The following PRSS12 variants were observed in gnomAD, a reference collection of about 807,000 sequenced individuals.
PRSS12 encodes the protein neurotrypsin.
In PRSS12, 85 loss-of-function variants were observed where a neutral mutation model predicts 104.4. The observed-to-expected ratio is 0.81, with a 90% CI of 0.68 to 0.98. The LOEUF (loss-of-function observed/expected upper bound fraction) is 0.98, where lower values mean the gene tolerates loss of function less well. Ranked by LOEUF, PRSS12 falls within the 50% of genes least tolerant of loss-of-function variation. The pLI, the probability that PRSS12 is intolerant of heterozygous loss-of-function variation, is 0.00. For missense variants in PRSS12, 1,141 were observed against 1,139.2 expected (o/e 1.00, Z -0.02); for synonymous variants, 454 against 425.2 (o/e 1.07, Z -0.83).
At chr4:118,303,465 T>G (rs764307484) in intron 8 of PRSS12, 2 of 152,166 alleles carry the variant, frequency 1.3e-5, no homozygotes, top group Non-Finnish European at 2.9e-5. Flanking sequence ...TAACAGCACA[T>G]GATTAAATTC....
At chr4:118,316,402 A>C in intron 5 of PRSS12, 79 bp from the exon 6 acceptor site, 1 of 1,571,364 alleles carries the variant, frequency 6.4e-7, no homozygotes, top group Non-Finnish European at 8.7e-7. Context: ...TTTCACAAGA[A>C]ATATCACCAT....
chr4:118,332,736 T>A (rs987006376), intron 3 of PRSS12, among the ~76,000 whole-genome samples: 2 of 152,154 alleles, frequency 1.3e-5, no homozygotes, highest in African/African-American at 4.8e-5. Flanking sequence ...ATATAATAAT[T>A]ATTTATTGAC....
intron 7 of PRSS12, among the ~76,000 whole-genome samples, chr4:118,311,513 T>G (rs1289701660): frequency 1.3e-5 from 2 of 152,150 alleles, no homozygotes; most frequent in Non-Finnish European, 2.9e-5. Flanking sequence ...CCTCTAAGCT[T>G]CCCTTTTAAA....
chr4:118,305,107 A>G (rs1264394773), intron 8 of PRSS12, among the ~76,000 whole-genome samples: 1 of 147,922 alleles, frequency 6.8e-6, no homozygotes, highest in Non-Finnish European at 1.5e-5. Context: ...TAATTTATAT[A>G]TATATATATA....
At chr4:118,301,879 T>C (rs1578909945) in intron 8 of PRSS12, among the ~76,000 whole-genome samples, 1 of 152,206 alleles carries the variant, frequency 6.6e-6, no homozygotes, top group Admixed American at 6.5e-5. Context: ...TGAACAATCA[T>C]ATTATTCATA....
intron 1 of PRSS12, among the ~76,000 whole-genome samples, chr4:118,349,088 C>T (rs549024705): frequency 6.6e-6 from 1 of 152,298 alleles, no homozygotes; most frequent in East Asian, 1.9e-4. Flanking sequence ...CACCCTGCCC[C>T]TTCAACTTGG....
Position 118,352,348 on chromosome 4 carries a change from C to T in PRSS12, c.373G>A (p.Ala125Thr). The stretch of plus-strand genomic sequence containing the variant: ...TGTCCTCGCAGCTGAGCCCAGCTCG[C>T]TGGGGGCGACCGCTCCAGGAAGGGT... ...VPPFLERSPP[A>T]SWAQLRGQRH... The change falls in exon 1 of 13, where the codon GCG (alanine) becomes ACG (threonine). Residue 125 changes from alanine (A) to threonine (T), a missense_variant. Coordinates refer to ENST00000296498, the MANE Select transcript of PRSS12 (RefSeq NM_003619.4). The T allele has an allele frequency of 6.3e-7, 1 of 1,574,804 alleles. No individual in the cohort carries two copies. The highest frequency in any genetic ancestry group is 8.6e-7 in the Non-Finnish European group (1 of 1,165,732).
At chr4:118,348,907 C>T (rs1724422839) in intron 1 of PRSS12, among the ~76,000 whole-genome samples, 2 of 152,194 alleles carry the variant, frequency 1.3e-5, no homozygotes, top group African/African-American at 4.8e-5. Flanking sequence ...CTGCCTCAGC[C>T]TCCCAAAGTG....
In PRSS12 at chr4:118,308,293, T is replaced by A. The variant is rs551249931; in HGVS notation, c.1631+143A>T. ...GCTCTACTTATTACTTCTTTATAAT[T>A]CTGGATCAAATCAATATGCTGCCAG... On this transcript the variant is annotated intron_variant, in intron 8 of 12. Transcript: ENST00000296498. 3.1e-5 allele frequency: 35 copies of A among 1,143,542 alleles called. 1 individual carries two copies. Among genetic ancestry groups the A allele is most frequent in the Non-Finnish European group, 4.1e-5 (32 of 781,588 alleles). 70.8% of individuals were successfully genotyped at this position (1,143,542 alleles called of 1,614,324 possible).
rs777313572 is a variant in PRSS12 at position 118,313,313 on chromosome 4, T to G, written c.1377A>C (p.Glu459Asp). 1.9e-6 allele frequency: 3 copies of G among 1,614,128 alleles called. No individual in the cohort carries two copies. The highest frequency in any genetic ancestry group is 2.5e-6 in the Non-Finnish European group (3 of 1,180,010). ...GCCTGGAACACTGAAGAAATCTGGT[T>G]TCCTTTCCTGAGCAGCTGACGTCAT... ...WLDDVSCSGK[E>D]TRFLQCSRRQ... The change falls in exon 7 of 13, where the codon GAA becomes GAC. Residue 459 changes from glutamate to aspartate, a missense_variant. Glu to Asp is a conservative substitution (Grantham distance 45). Coordinates refer to ENST00000296498, the MANE Select transcript of PRSS12 (RefSeq NM_003619.4).
At chr4:118,304,213 C>T (rs1279681035) in intron 8 of PRSS12, among the ~76,000 whole-genome samples, 1 of 151,028 alleles carries the variant, frequency 6.6e-6, no homozygotes, top group Non-Finnish European at 1.5e-5. Context: ...TATACATATA[C>T]ACACATATTT....
chr4:118,324,239 T>G (rs1368460624), intron 4 of PRSS12, among the ~76,000 whole-genome samples: 3 of 151,920 alleles, frequency 2.0e-5, no homozygotes, highest in Admixed American at 2.0e-4. Flanking sequence ...AGGATCCAAC[T>G]ATGCACAGAA....
intron 3 of PRSS12, among the ~76,000 whole-genome samples, chr4:118,335,116 C>CT (rs1398930128): frequency 1.3e-5 from 2 of 152,064 alleles, no homozygotes; most frequent in African/African-American, 4.8e-5. Flanking sequence ...TCTATATTTA[C>CT]TTTCATGATT....
At chr4:118,350,984 T>A (rs1724486080) in intron 1 of PRSS12, among the ~76,000 whole-genome samples, 1 of 152,198 alleles carries the variant, frequency 6.6e-6, no homozygotes, top group African/African-American at 2.4e-5. Flanking sequence ...ATGCTAGCAC[T>A]CTTTGTTTGA....
Position 118,295,055 on chromosome 4 carries a change from A to G in PRSS12, c.1923T>C (p.Gly641=). ...GCCGGAGGGAAACCTGCCAAGGCCA[A>G]CCACCCCTAAGAAGAAAATGAGCTA... is the stretch of plus-strand genomic sequence containing the variant. ...IIGGKNSLRG[G]WPWQVSLRLK... The change falls in exon 11 of 13, where the codon GGT becomes GGC. Residue 641 remains glycine (G), a synonymous_variant. Transcript: ENST00000296498. The G allele has an allele frequency of 6.2e-7, 1 of 1,613,994 alleles. No individual in the cohort carries two copies. The highest frequency in any genetic ancestry group is 1.7e-5 in the Admixed American group (1 of 60,004).
At chr4:118,309,889 G>C (rs1345824239) in intron 7 of PRSS12, among the ~76,000 whole-genome samples, 2 of 152,122 alleles carry the variant, frequency 1.3e-5, no homozygotes, top group Non-Finnish European at 1.5e-5. Context: ...TTATTCTTCT[G>C]ACCCATTTTT....
chr4:118,338,008 T>C (rs1315235157), intron 2 of PRSS12, among the ~76,000 whole-genome samples, 168 bp downstream of exon 2: 4 of 152,202 alleles, frequency 2.6e-5, no homozygotes, highest in Non-Finnish European at 5.9e-5. Flanking sequence ...TGTGAGAGAA[T>C]TCATTTCTTC....
At position 118,327,200 on chromosome 4, in the gene PRSS12, G is replaced by A. The variant is rs141767595; in HGVS notation, c.971+4516C>T. Among the ~76,000 whole-genome samples the A allele has an allele frequency of 1.1e-3, 163 of 151,954 alleles. No homozygotes were observed. In the East Asian group the frequency reaches 0.023, roughly 22 times the overall value. ...AACAGGGTCTTACTCTGTCACCCAC[G>A]CTGGAGTGCAGTGGTGCAACTGCAA... On this transcript the variant is annotated intron_variant, in intron 4 of 12. Transcript: ENST00000296498.
rs557526412 is a variant in PRSS12, at chr4:118,328,589, C to A, written c.971+3127G>T. 8.5e-4 allele frequency among the ~76,000 whole-genome samples: 128 copies of A among 150,434 alleles called. 1 individual carries two copies. Among genetic ancestry groups the A allele is most frequent in the African/African-American group, 3.1e-3 (126 of 40,332 alleles). ...GAAGAACTCTACATTAAAACAACAACAAAAAAAAAAAGAACTCTACATTAC... is the reference window on the plus strand; with the variant it reads ...GAAGAACTCTACATTAAAACAACAAAAAAAAAAAAAAGAACTCTACATTAC... On this transcript the variant is annotated intron_variant, in intron 4 of 12. Coordinates refer to ENST00000296498, the MANE Select transcript of PRSS12 (RefSeq NM_003619.4).
Sources: gnomAD v4.1 joint callset for allele counts (sites outside exome capture counted in the v4.1 genomes callset) on GRCh38, gnomAD v4.1.1 for gene constraint, MANE v1.5 for transcripts, NCBI Gene and HGNC (gene_info 2026-07-23, HGNC 2026-07-21) for gene names.